The following SLC4A3 variants were observed in gnomAD, a reference collection of about 807,000 sequenced individuals.
SLC4A3 encodes anion exchange protein 3.
Under a neutral mutation model 114.2 loss-of-function variants are expected in SLC4A3, and 47 were observed. The ratio of observed to expected loss-of-function variants is 0.41; its 90% CI spans 0.33 to 0.52. The LOEUF is 0.52. Among genes scored for constraint, SLC4A3 ranks in the 20% least tolerant of loss-of-function variants. SLC4A3 has a pLI of 0.21. For missense variants in SLC4A3, 1,312 were observed against 1,668.3 expected (o/e 0.79, Z 3.72); for synonymous variants, 693 against 710.3 (o/e 0.98, Z 0.39).
Position 219,627,634 on chromosome 2 carries a change from C to A in SLC4A3, c.-205C>A, listed in dbSNP as rs536629943. The A allele has an allele frequency of 4.0e-5, 6 of 151,670 alleles. No homozygotes were observed. Among genetic ancestry groups the A allele is most frequent in the African/African-American group, 1.5e-4 (6 of 41,270 alleles). 9.4% of individuals were successfully genotyped at this position (151,670 alleles called of 1,614,324 possible). ...GGCGCCTGCGTCCGCCCGGCCAGCC[C>A]GGCTCTGCGCTGCGAGAGGCCGGAC... On this transcript the variant is annotated 5_prime_UTR_variant, in exon 1 of 23. Coordinates refer to ENST00000358055, the MANE Select transcript of SLC4A3 (RefSeq NM_005070.4).
Position 219,638,610 on chromosome 2 carries a change from G to C in SLC4A3, c.2857-93G>C, listed in dbSNP as rs1280877598. 36 of 1,341,752 alleles carry C rather than the reference G, an allele frequency of 2.7e-5. No individual in the cohort carries two copies. Among genetic ancestry groups the C allele is most frequent in the Non-Finnish European group, 3.6e-5 (35 of 962,364 alleles). 83.1% of individuals were successfully genotyped at this position (1,341,752 alleles called of 1,614,324 possible). On this transcript the variant is annotated intron_variant, in intron 18 of 22. Coordinates refer to ENST00000358055, the MANE Select transcript of SLC4A3 (RefSeq NM_005070.4). The surrounding 1 kb of genome is among the most constrained non-coding windows in gnomAD (Gnocchi z 7.5). ...CCTGTTCACACCCCAGCTCCCTGAA[G>C]TCCTGGACTGGGGACGCAGCTTAGT...
rs1559205953 is a variant in SLC4A3 at position 219,639,466 on chromosome 2, C to T, written c.3024-16C>T. On this transcript the variant is annotated splice_polypyrimidine_tract_variant and intron_variant, in intron 19 of 22. Transcript: ENST00000358055. This position sits in a 1 kb window ranked among gnomAD's most constrained non-coding sequence, Gnocchi z 5.9. ...GCCAGGCCAGCCACACCCCGCTCCC[C>T]ACCTTCTCCCTGCAGGCTTATCGTC... 6.2e-7 allele frequency: 1 copy of T among 1,608,512 alleles called. No homozygotes were observed. The highest frequency in any genetic ancestry group is 8.5e-7 in the Non-Finnish European group (1 of 1,177,234).
Position 219,638,119 on chromosome 2 carries a change from C to T in SLC4A3, c.2767-45C>T. 2 of 1,486,980 alleles carry T rather than the reference C, an allele frequency of 1.3e-6. No homozygotes were observed. Among genetic ancestry groups the T allele is most frequent in the Non-Finnish European group, 1.9e-6 (2 of 1,077,092 alleles). The allele number at this position is 1,486,980 out of a possible 1,614,324, so 92.1% of individuals were successfully genotyped here. ...GCAAGCCCCGTGTTAGTCTGCTGAC[C>T]TTGCCTCCACCTTTTGCTCCCTTCC... On this transcript the variant is annotated intron_variant, in intron 17 of 22. Transcript: ENST00000358055. The surrounding 1 kb of genome is among the most constrained non-coding windows in gnomAD (Gnocchi z 7.5).
In SLC4A3 at chr2:219,640,902, C is replaced by T; in HGVS notation, c.3561C>T (p.Leu1187=). Residue 1187 remains leucine (L), a synonymous_variant, in exon 22 of 23, where the codon CTC becomes CTT. Transcript: ENST00000358055. ...TCGCCTTTCCCTTCCTGCTGCTGCT[C>T]ACGGTGCCTCTGAGGCATTGCCTTC... The part of the protein sequence containing the change: ...ASLAFPFLLL[L]TVPLRHCLLP... 1 of 1,611,158 alleles carries T rather than the reference C, an allele frequency of 6.2e-7. No homozygotes were observed. The highest frequency in any genetic ancestry group is 8.5e-7 in the Non-Finnish European group (1 of 1,180,020).
At chr2:219,632,194 CCT>C (rs1472334420) in intron 7 of SLC4A3, 66 bp from the exon 8 acceptor site, 1 of 1,609,268 alleles carries the variant, frequency 6.2e-7, no homozygotes, top group East Asian at 2.2e-5. Context: ...TGCCCCCCTG[CCT>C]TGCCCCATCA....
At chr2:219,633,532 C>A in intron 10 of SLC4A3, 75 bp downstream of exon 10, 1 of 1,311,808 alleles carries the variant, frequency 7.6e-7, no homozygotes, top group Non-Finnish European at 1.0e-6. Context: ...TCGACGACTT[C>A]ACTGAGTGGG....
rs1420959153 is a variant in SLC4A3 at position 219,635,306 on chromosome 2, G to T, written c.1782G>T (p.Arg594=). The change falls in exon 13 of 23, where the codon CGG becomes CGT. Residue 594 remains arginine, a synonymous_variant. Transcript: ENST00000358055. Reference sequence around the variant, plus strand: ...AGGCTGCCTACCAGGCAGATGACCGGCAAGACCTCCTAAGTGCCATCAGCG... The same window carrying T: ...AGGCTGCCTACCAGGCAGATGACCGTCAAGACCTCCTAAGTGCCATCAGCG... ...FHEAAYQADD[R]QDLLSAISEF... is the part of the protein sequence containing the mutation. 1.9e-6 allele frequency: 3 copies of T among 1,614,128 alleles called. No individual in the cohort carries two copies. The highest frequency in any genetic ancestry group is 3.3e-5 in the Admixed American group (2 of 60,014).
rs1455571059 is a variant in SLC4A3, at chr2:219,633,981, T to C, written c.1561+2T>C. The C allele has an allele frequency of 6.5e-7, 1 of 1,549,688 alleles. No individual in the cohort carries two copies. Among genetic ancestry groups the C allele is most frequent in the South Asian group, 1.2e-5 (1 of 83,536 alleles). On this transcript the variant is annotated splice_donor_variant, in intron 11 of 22. Coordinates refer to ENST00000358055, the MANE Select transcript of SLC4A3 (RefSeq NM_005070.4). LOFTEE classifies it high-confidence loss of function. ...CTGAGGCCACGGTTGTGCTTGTGGG[T>C]GAGGAGGGCCGGGCGCCGGGGGCAG...
intron 8 of SLC4A3, 31 bp downstream of exon 8, chr2:219,632,473 C>T (rs1474399789): frequency 5.1e-6 from 8 of 1,557,710 alleles, no homozygotes; most frequent in Admixed American, 3.7e-5. Context: ...CCCGAGGCTG[C>T]AAGCCCTCTT....
chr2:219,630,939 A>C lies in SLC4A3; in HGVS notation c.811+587A>C. ...ACAGTGTGTGGGTGGGGTGGGGGGAAGGGTAGGGCTTTGAGCTCAATACGT... is the reference window on the plus strand; with the variant it reads ...ACAGTGTGTGGGTGGGGTGGGGGGACGGGTAGGGCTTTGAGCTCAATACGT... On this transcript the variant is annotated intron_variant, in intron 6 of 22. Coordinates refer to ENST00000358055, the MANE Select transcript of SLC4A3 (RefSeq NM_005070.4). The surrounding 1 kb of genome is among the most constrained non-coding windows in gnomAD (Gnocchi z 6.9). The C allele has an allele frequency of 1.2e-5, 2 of 163,436 alleles. No individual in the cohort carries two copies. Among genetic ancestry groups the C allele is most frequent in the Non-Finnish European group, 2.5e-5 (2 of 80,126 alleles). 10.1% of individuals were successfully genotyped at this position (163,436 alleles called of 1,614,324 possible).
At position 219,628,231 on chromosome 2, in the gene SLC4A3, T is replaced by G. The variant is rs1698787632; in HGVS notation, c.52-174T>G. On this transcript the variant is annotated intron_variant, in intron 2 of 22. Transcript: ENST00000358055. This position sits in a 1 kb window ranked among gnomAD's most constrained non-coding sequence, Gnocchi z 4.8. The stretch of plus-strand genomic sequence containing the variant: ...TCCGTAGCCCTCTCTCTTTACAAGC[T>G]CTGGGAGCCCAGAGAGGGTGGTTTC... Among the ~76,000 whole-genome samples, 1 of 151,878 alleles carries G rather than the reference T, an allele frequency of 6.6e-6. No homozygotes were observed. Among genetic ancestry groups the G allele is most frequent in the African/African-American group, 2.4e-5 (1 of 41,310 alleles).
rs1699058406 is a variant in SLC4A3 at position 219,634,726 on chromosome 2, C to T, written c.1746+122C>T. ...AGAGGCCCCTGGGTGGAGGCCATGC[C>T]CTGGAGGGTGGTGGGGGGAGCTGTT... On this transcript the variant is annotated intron_variant, in intron 12 of 22. Coordinates refer to ENST00000358055, the MANE Select transcript of SLC4A3 (RefSeq NM_005070.4). The T allele has an allele frequency of 4.7e-6, 5 of 1,060,822 alleles. No individual in the cohort carries two copies. The South Asian group carries it at 8.2e-5, about 17-fold the overall frequency. 65.7% of individuals were successfully genotyped at this position (1,060,822 alleles called of 1,614,324 possible). A position where few individuals can be genotyped will look rare whatever the true frequency, so the allele number is the denominator to read the frequency against.
In SLC4A3 at chr2:219,639,548, C is replaced by T; in HGVS notation, c.3090C>T (p.Leu1030=). The change falls in exon 20 of 23, where the codon CTC becomes CTT. Residue 1030 remains leucine, a synonymous_variant. Transcript: ENST00000358055. The surrounding 1 kb of genome is among the most constrained non-coding windows in gnomAD (Gnocchi z 5.9). ...CCGGTTTCCACCTGGACCTGCTCCT[C>T]ATTGGCTCCCTGGGGGGGCTCTGTG... The part of the protein sequence containing the change: ...KGSGFHLDLL[L]IGSLGGLCGL... 1 of 1,614,128 alleles carries T rather than the reference C, an allele frequency of 6.2e-7. No individual in the cohort carries two copies. Among genetic ancestry groups the T allele is most frequent in the Non-Finnish European group, 8.5e-7 (1 of 1,180,038 alleles).
chr2:219,632,708 C>G (rs1375608408), intron 8 of SLC4A3, among the ~76,000 whole-genome samples, 166 bp from the exon 9 acceptor site: 2 of 152,230 alleles, frequency 1.3e-5, no homozygotes, highest in Admixed American at 1.3e-4. Context: ...TTCACGGCCC[C>G]TCTCTGACTG....
Position 219,637,205 on chromosome 2 carries a change from T to TGTGTGG in SLC4A3, c.2535+344_2535+349dup, listed in dbSNP as rs1553552112. Among the ~76,000 whole-genome samples the TGTGTGG allele has an allele frequency of 3.9e-5, 5 of 128,704 alleles. No individual in the cohort carries two copies. Among genetic ancestry groups the TGTGTGG allele is most frequent in the Admixed American group, 2.4e-4 (3 of 12,718 alleles). The allele number at this position is 128,704 out of a possible 152,430, so 84.4% of individuals were successfully genotyped here. Reference sequence around the variant, plus strand: ...CCTTTTGTAGAGGAGTGTGTGTGTGTGTGTGGGTGTGGGTGTGGTGTGAGT... The same window carrying TGTGTGG: ...CCTTTTGTAGAGGAGTGTGTGTGTGTGTGTGGGTGTGGGTGTGGGTGTGGTGTGAGT... On this transcript the variant is annotated intron_variant, in intron 16 of 22. Coordinates refer to ENST00000358055, the MANE Select transcript of SLC4A3 (RefSeq NM_005070.4). The surrounding 1 kb of genome is among the most constrained non-coding windows in gnomAD (Gnocchi z 4.6).
In SLC4A3 at chr2:219,632,926, C is replaced by T. The variant is rs775567496; in HGVS notation, c.1194C>T (p.Leu398=). ...EQTTLPGIAH[L]VVETMIVSDQ... is the part of the protein sequence containing the mutation. ...CCACCCTGCCAGGCATTGCACACCT[C>T]GTGGTGGAGACCATGATTGTGTCTG... The change falls in exon 9 of 23, where the codon CTC becomes CTT. Residue 398 remains leucine, a synonymous_variant. Transcript: ENST00000358055. 18 of 1,614,014 alleles carry T rather than the reference C, an allele frequency of 1.1e-5. No individual in the cohort carries two copies. The highest frequency in any genetic ancestry group is 1.6e-4 in the Middle Eastern group (1 of 6,084).
At position 219,638,507 on chromosome 2, in the gene SLC4A3, C is replaced by T. The variant is rs945563470; in HGVS notation, c.2857-196C>T. On this transcript the variant is annotated intron_variant, in intron 18 of 22. Coordinates refer to ENST00000358055, the MANE Select transcript of SLC4A3 (RefSeq NM_005070.4). This position sits in a 1 kb window ranked among gnomAD's most constrained non-coding sequence, Gnocchi z 7.5. ...GAAGCTCTGGGGCTCAGGGAGGAGG[C>T]GCTTCATTTCCCTGCCCTCTATTGG... Among the ~76,000 whole-genome samples, 7 of 152,124 alleles carry T rather than the reference C, an allele frequency of 4.6e-5. No homozygotes were observed. The highest frequency in any genetic ancestry group is 9.7e-5 in the African/African-American group (4 of 41,408).
chr2:219,637,270 CGTGTGTGT>C lies in SLC4A3; in HGVS notation c.2536-309_2536-302del, dbSNP rs1255028230. Among the ~76,000 whole-genome samples the C allele has an allele frequency of 1.4e-3, 206 of 146,108 alleles. No homozygotes were observed. Among genetic ancestry groups the C allele is most frequent in the African/African-American group, 4.8e-3 (191 of 39,434 alleles). ...GTGATGTATGTGTTGTGTGTGTGTG[CGTGTGTGT>C]GCCTGTGTGTGCATGTTGTGTGTGT... On this transcript the variant is annotated intron_variant, in intron 16 of 22. Transcript: ENST00000358055. This position sits in a 1 kb window ranked among gnomAD's most constrained non-coding sequence, Gnocchi z 4.6.
chr2:219,636,215 TG>T lies in SLC4A3; in HGVS notation c.2192-82del. The stretch of plus-strand genomic sequence containing the variant: ...CTCTAAGGGGCTGCTCTGCTTTTGT[TG>T]GGGGCCCCAGTTTAGGACAAGCTAG... On this transcript the variant is annotated intron_variant, in intron 14 of 22. Coordinates refer to ENST00000358055, the MANE Select transcript of SLC4A3 (RefSeq NM_005070.4). This position sits in a 1 kb window ranked among gnomAD's most constrained non-coding sequence, Gnocchi z 5.5. The T allele has an allele frequency of 2.0e-6, 3 of 1,530,180 alleles. No individual in the cohort carries two copies. Among genetic ancestry groups the T allele is most frequent in the East Asian group, 2.2e-5 (1 of 44,542 alleles). The allele number at this position is 1,530,180 out of a possible 1,614,324, so 94.8% of individuals were successfully genotyped here.
Sources: allele counts gnomAD v4.1 joint callset (sites outside exome capture counted in the v4.1 genomes callset), GRCh38; gene constraint gnomAD v4.1.1; non-coding constraint Gnocchi (gnomAD v3.1); transcripts MANE v1.5; gene names NCBI Gene and HGNC (gene_info 2026-07-23, HGNC 2026-07-21).